The following NAALADL2 variants were observed in gnomAD, a reference collection of about 807,000 sequenced individuals.
NAALADL2 encodes the protein N-acetylated alpha-linked acidic dipeptidase like 2, also known as inactive N-acetylated-alpha-linked acidic dipeptidase-like protein 2.
Under a neutral mutation model 87.2 loss-of-function variants are expected in NAALADL2, and 76 were observed. The ratio of observed to expected loss-of-function variants is 0.87; its 90% CI spans 0.72 to 1.05. NAALADL2 has a LOEUF of 1.05. Among genes scored for constraint, NAALADL2 ranks in the 50% least tolerant of loss-of-function variants. The pLI is 0.00. For synonymous variants in NAALADL2, 354 were observed against 331.0 expected (o/e 1.07, Z -0.75); for missense variants, 1,089 against 945.8 (o/e 1.15, Z -1.99).
chr3:174,451,743 C>T (rs574407508), intron 1 of NAALADL2, among the ~76,000 whole-genome samples: 132 of 150,732 alleles, frequency 8.8e-4, no homozygotes, highest in African/African-American at 3.1e-3. Context: ...TTACAAAACA[C>T]ATTTTGACTA....
chr3:174,605,581 A>G (rs905209300), intron 2 of NAALADL2, among the ~76,000 whole-genome samples: 1 of 152,162 alleles, frequency 6.6e-6, no homozygotes. Flanking sequence ...GCAGTCTGAG[A>G]TCAAACTGCA....
intron 2 of NAALADL2, among the ~76,000 whole-genome samples, chr3:175,191,947 C>A (rs921050238): frequency 1.3e-5 from 2 of 151,974 alleles, no homozygotes; most frequent in Non-Finnish European, 2.9e-5. Context: ...CAGTGATCTC[C>A]CAAATAAACA....
chr3:174,664,096 T>G (rs1296943975), intron 2 of NAALADL2, among the ~76,000 whole-genome samples: 1 of 152,142 alleles, frequency 6.6e-6, no homozygotes, highest in Non-Finnish European at 1.5e-5. Flanking sequence ...GCTATTCAAC[T>G]GTATTTCTTG....
intron 3 of NAALADL2, among the ~76,000 whole-genome samples, chr3:174,850,273 T>C (rs1177490852): frequency 2.0e-5 from 3 of 152,132 alleles, no homozygotes; most frequent in African/African-American, 2.4e-5. Flanking sequence ...CTGCCAGACA[T>C]ATAAGAGCTC....
chr3:175,286,598 C>T (rs764459889), intron 4 of NAALADL2, among the ~76,000 whole-genome samples: 2 of 152,000 alleles, frequency 1.3e-5, no homozygotes, highest in African/African-American at 2.4e-5. Flanking sequence ...ACCTATGGAT[C>T]GACTTCTGGA....
At chr3:174,869,311 A>T (rs1158372972) in intron 1 of NAALADL2, among the ~76,000 whole-genome samples, 3 of 151,806 alleles carry the variant, frequency 2.0e-5, no homozygotes, top group Non-Finnish European at 2.9e-5. Context: ...AGAAGAGTGG[A>T]AAAAAGAGGT....
At chr3:175,082,572 A>AT (rs1234785715) in intron 1 of NAALADL2, among the ~76,000 whole-genome samples, 3 of 152,138 alleles carry the variant, frequency 2.0e-5, no homozygotes, top group African/African-American at 7.2e-5. Flanking sequence ...GAAGCACTTT[A>AT]TTTTTTAAGA....
chr3:175,519,390 C>T (rs1560693233), intron 9 of NAALADL2, among the ~76,000 whole-genome samples: 5 of 152,134 alleles, frequency 3.3e-5, no homozygotes, highest in Admixed American at 2.0e-4. Flanking sequence ...TCTGAGGCTG[C>T]CACTGAGGCC....
chr3:174,979,585 G>A (rs566523576), intron 1 of NAALADL2, among the ~76,000 whole-genome samples: 2 of 152,094 alleles, frequency 1.3e-5, no homozygotes, highest in South Asian at 2.1e-4. Context: ...GATTACAGGC[G>A]TGAACCACCA....
chr3:174,633,258 T>G (rs563237597), intron 2 of NAALADL2, among the ~76,000 whole-genome samples: 18 of 152,308 alleles, frequency 1.2e-4, no homozygotes, highest in African/African-American at 4.3e-4. Flanking sequence ...TTCCGAAACT[T>G]AAAAATATAA....
intron 1 of NAALADL2, among the ~76,000 whole-genome samples, chr3:174,502,168 C>T (rs1718939672): frequency 6.6e-6 from 1 of 152,150 alleles, no homozygotes; most frequent in African/African-American, 2.4e-5. Context: ...TGTTTTCCCT[C>T]CCATTATTTT....
intron 2 of NAALADL2, among the ~76,000 whole-genome samples, chr3:175,109,847 G>T (rs373976692): frequency 4.6e-5 from 7 of 151,878 alleles, no homozygotes; most frequent in Admixed American, 4.6e-4. Flanking sequence ...GAACCCACTC[G>T]TAAAGAGCAG....
intron 2 of NAALADL2, among the ~76,000 whole-genome samples, chr3:174,624,680 A>G (rs1424947937): frequency 3.9e-5 from 6 of 152,084 alleles, no homozygotes; most frequent in Admixed American, 1.3e-4. Flanking sequence ...ATCTTATGTC[A>G]AAAACTGTTC....
chr3:174,998,045 C>A (rs1294968002), intron 1 of NAALADL2, among the ~76,000 whole-genome samples: 2 of 152,106 alleles, frequency 1.3e-5, no homozygotes, highest in Non-Finnish European at 2.9e-5. Flanking sequence ...CCTGACACTT[C>A]TTTTATTGTA....
intron 13 of NAALADL2, among the ~76,000 whole-genome samples, chr3:175,779,126 C>A (rs1750666244): frequency 6.6e-6 from 1 of 152,136 alleles, no homozygotes; most frequent in Non-Finnish European, 1.5e-5. Context: ...GTTAGTTCAA[C>A]AAGATTTATT....
In NAALADL2 at chr3:175,611,804, C is replaced by T. The variant is rs114841327; in HGVS notation, c.1801-15487C>T. Among the ~76,000 whole-genome samples, 916 of 152,214 alleles carry T rather than the reference C, an allele frequency of 6.0e-3. 6 individuals carry two copies. The highest frequency in any genetic ancestry group is 0.021 in the African/African-American group (859 of 41,538). On this transcript the variant is annotated intron_variant, in intron 10 of 13. Coordinates refer to ENST00000454872, the MANE Select transcript of NAALADL2 (RefSeq NM_207015.3). The stretch of plus-strand genomic sequence containing the variant: ...GCATGGTATATAGTCTTCAGAGACA[C>T]TCATTGAGAGACAAACTAAGCCATA...
rs772447340 is a variant in NAALADL2, at chr3:174,794,981, C to CTTTTTTTTTTTTTTTTTTTTTTT, written c.-9+57240_-9+57262dup. On this transcript the variant is annotated intron_variant, in intron 3 of 3. Transcript: ENST00000434257. ...TTAAAAGTTGAAACTTCTAGTCCAG[C>CTTTTTTTTTTTTTTTTTTTTTTT]TTTTTTTTTTTTTTTTTTTTTTTTT... 2.8e-4 allele frequency among the ~76,000 whole-genome samples: 19 copies of CTTTTTTTTTTTTTTTTTTTTTTT among 66,696 alleles called. 4 individuals are homozygous for CTTTTTTTTTTTTTTTTTTTTTTT. Among genetic ancestry groups the CTTTTTTTTTTTTTTTTTTTTTTT allele is most frequent in the Non-Finnish European group, 3.6e-4 (13 of 36,338 alleles). 43.8% of individuals were successfully genotyped at this position (66,696 alleles called of 152,430 possible).
chr3:174,966,632 A>G (rs1329671299), intron 1 of NAALADL2, among the ~76,000 whole-genome samples: 1 of 152,172 alleles, frequency 6.6e-6, no homozygotes, highest in Non-Finnish European at 1.5e-5. Context: ...GAGAATAGGA[A>G]AGGAAGAAAC....
At chr3:174,708,516 T>A (rs2108906049) in intron 2 of NAALADL2, among the ~76,000 whole-genome samples, 1 of 152,308 alleles carries the variant, frequency 6.6e-6, no homozygotes, top group South Asian at 2.1e-4. Context: ...ATTTCAGTAA[T>A]TCGTTAGGGA....
Sources: gnomAD v4.1 joint callset for allele counts (sites outside exome capture counted in the v4.1 genomes callset) on GRCh38, gnomAD v4.1.1 for gene constraint, MANE v1.5 for transcripts, NCBI Gene and HGNC (gene_info 2026-07-23, HGNC 2026-07-21) for gene names.